The following HINT1 variants were observed in gnomAD, a reference collection of about 807,000 sequenced individuals.
HINT1 encodes adenosine 5'-monophosphoramidase HINT1.
HINT1 carries 12 observed loss-of-function variants against 11.2 expected under a neutral mutation model. That is an observed-to-expected ratio of 1.07 (90% CI 0.69 to 1.74). HINT1 has a LOEUF of 1.74. Ranked by LOEUF, HINT1 falls within the 40% of genes most tolerant of loss-of-function variation. HINT1 has a pLI of 0.00. For missense variants in HINT1, 150 were observed against 161.8 expected (o/e 0.93, Z 0.40); for synonymous variants, 42 against 52.6 (o/e 0.80, Z 0.87).
chr5:131,162,399 CA>C, intron 2 of HINT1, 172 bp downstream of exon 2: 2 of 1,344,042 alleles, frequency 1.5e-6, no homozygotes, highest in Non-Finnish European at 1.0e-6. Flanking sequence ...TGGTGGGATA[CA>C]AAATGATGCA....
intron 1 of HINT1, among the ~76,000 whole-genome samples, chr5:131,164,833 C>T (rs1755352501): frequency 1.3e-5 from 2 of 151,998 alleles, no homozygotes; most frequent in South Asian, 4.1e-4. Context: ...GCCCAGGCCC[C>T]GCGGTGCGGC....
intron 2 of HINT1, among the ~76,000 whole-genome samples, chr5:131,161,833 G>A (rs1401796736): frequency 6.6e-6 from 1 of 152,112 alleles, no homozygotes; most frequent in Non-Finnish European, 1.5e-5. Context: ...ACCCGTGCAG[G>A]TCTACTCATA....
intron 2 of HINT1, chr5:131,162,268 A>G (rs1755271199): frequency 1.6e-6 from 1 of 610,992 alleles, no homozygotes; most frequent in South Asian, 2.0e-5. Flanking sequence ...GCTTGCAGTG[A>G]GCCGAGTGCC....
chr5:131,160,940 T>C, intron 2 of HINT1: 2 of 406,012 alleles, frequency 4.9e-6, no homozygotes, highest in Non-Finnish European at 5.0e-6. Context: ...GGCTAGGCTA[T>C]AATGTTCAGT....
At position 131,159,377 on chromosome 5, in the gene HINT1, T is replaced by A. The variant is rs1755191472; in HGVS notation, c.*70A>T. On this transcript the variant is annotated 3_prime_UTR_variant, in exon 3 of 3. Transcript: ENST00000304043. Reference sequence around the variant, plus strand: ...CATACACAGGCAAAAATAAGTGTGTTACTTAACATACTGGAAATTGCCTAA... The same window carrying A: ...CATACACAGGCAAAAATAAGTGTGTAACTTAACATACTGGAAATTGCCTAA... The A allele has an allele frequency of 4.3e-6, 6 of 1,400,068 alleles. No individual in the cohort carries two copies. In the South Asian group the frequency reaches 7.4e-5, roughly 17 times the overall value. 86.7% of individuals were successfully genotyped at this position (1,400,068 alleles called of 1,614,324 possible).
At chr5:131,160,420 A>G (rs1755220713) in intron 2 of HINT1, among the ~76,000 whole-genome samples, 1 of 152,180 alleles carries the variant, frequency 6.6e-6, no homozygotes, top group African/African-American at 2.4e-5. Flanking sequence ...TTTCTTCCCT[A>G]ATAAAAGTTA....
chr5:131,162,380 A>G (rs1440903850), intron 2 of HINT1, 192 bp downstream of exon 2: 37 of 1,141,472 alleles, frequency 3.2e-5, no homozygotes, highest in Non-Finnish European at 4.5e-5. Context: ...TGGAACGCTC[A>G]TTCATTGCTG....
At chr5:131,162,740 T>A (rs1448503407) in intron 1 of HINT1, 64 bp from the exon 2 acceptor site, 4 of 1,078,422 alleles carry the variant, frequency 3.7e-6, no homozygotes, top group Non-Finnish European at 5.6e-6. Flanking sequence ...TAAAACTTAT[T>A]TCAACAAGTA....
chr5:131,165,049 A>C, intron 1 of HINT1, 46 bp downstream of exon 1: 1 of 1,611,692 alleles, frequency 6.2e-7, no homozygotes, highest in Non-Finnish European at 8.5e-7. Flanking sequence ...GGATCCGCGG[A>C]CGATACCCAC....
At chr5:131,161,004 G>A (rs1043602124) in intron 2 of HINT1, 3 of 316,606 alleles carry the variant, frequency 9.5e-6, no homozygotes, top group Non-Finnish European at 1.9e-5. Context: ...TTCAACTTAT[G>A]ATGGGTTTAT....
In HINT1 at chr5:131,162,671, A is replaced by G. The variant is rs78949626; in HGVS notation, c.117T>C (p.Leu39=). 2,386 of 1,597,166 alleles carry G rather than the reference A, an allele frequency of 1.5e-3. 11 individuals carry two copies. Among genetic ancestry groups the G allele is most frequent in the Middle Eastern group, 0.012 (68 of 5,492 alleles). The change falls in exon 2 of 3, where the codon CTT becomes CTC. Residue 39 remains leucine, a synonymous_variant. Coordinates refer to ENST00000304043, the MANE Select transcript of HINT1 (RefSeq NM_005340.7). ...AKIIFEDDRC[L]AFHDISPQAP... ...CTTGAGGGGAAATGTCATGGAAAGC[A>G]AGGCACTAGGGAAAAGAGAAATAAA...
chr5:131,163,560 AGAGTCC>A (rs996373030), intron 1 of HINT1, among the ~76,000 whole-genome samples: 10 of 151,840 alleles, frequency 6.6e-5, no homozygotes, highest in Non-Finnish European at 1.2e-4. Context: ...CTCCCAGGTC[AGAGTCC>A]TAGTTGTGCA....
chr5:131,161,802 C>A (rs956869709), intron 2 of HINT1, among the ~76,000 whole-genome samples: 2 of 152,098 alleles, frequency 1.3e-5, no homozygotes, highest in Non-Finnish European at 2.9e-5. Context: ...ATACAACTGA[C>A]CCTTGCACAA....
chr5:131,159,413 G>T lies in HINT1; in HGVS notation c.*34C>A. 1 of 1,597,604 alleles carries T rather than the reference G, an allele frequency of 6.3e-7. No individual in the cohort carries two copies. Among genetic ancestry groups the T allele is most frequent in the Non-Finnish European group, 8.5e-7 (1 of 1,169,818 alleles). On this transcript the variant is annotated 3_prime_UTR_variant, in exon 3 of 3. Coordinates refer to ENST00000304043, the MANE Select transcript of HINT1 (RefSeq NM_005340.7). Reference sequence around the variant, plus strand: ...CTGGAAATTGCCTAACTTAATCATTGCCTAAAGAAGAGAAAATTATCCCCA... The same window carrying T: ...CTGGAAATTGCCTAACTTAATCATTTCCTAAAGAAGAGAAAATTATCCCCA...
intron 2 of HINT1, among the ~76,000 whole-genome samples, chr5:131,161,681 C>G (rs1405383411): frequency 6.6e-6 from 1 of 151,942 alleles, no homozygotes; most frequent in African/African-American, 2.4e-5. Flanking sequence ...AGTACTCGCT[C>G]TAATCTTTGA....
At chr5:131,164,915 G>C (rs1171092774) in intron 1 of HINT1, 180 bp downstream of exon 1, 1 of 769,880 alleles carries the variant, frequency 1.3e-6, no homozygotes, top group Non-Finnish European at 1.9e-6. Context: ...GCACGCGCCG[G>C]CAGGCCGCCT....
chr5:131,163,788 A>G (rs1247273692), intron 1 of HINT1, among the ~76,000 whole-genome samples: 1 of 152,216 alleles, frequency 6.6e-6, no homozygotes. Context: ...TATGACATGA[A>G]TATTTTCGAA....
In HINT1 at chr5:131,159,324, G is replaced by C; in HGVS notation, c.*123C>G. On this transcript the variant is annotated 3_prime_UTR_variant, in exon 3 of 3. Transcript: ENST00000304043. The stretch of plus-strand genomic sequence containing the variant: ...CAACAATGTCTTTTATTATGTATGC[G>C]GTTTTAAAATTATTTCTTGAATCTC... The C allele has an allele frequency of 1.4e-6, 1 of 698,060 alleles. No homozygotes were observed. Among genetic ancestry groups the C allele is most frequent in the Admixed American group, 3.0e-5 (1 of 33,432 alleles). The allele number at this position is 698,060 out of a possible 1,614,324, so 43.2% of individuals were successfully genotyped here.
At chr5:131,160,111 C>T (rs1230407660) in intron 2 of HINT1, among the ~76,000 whole-genome samples, 1 of 152,082 alleles carries the variant, frequency 6.6e-6, no homozygotes, top group Non-Finnish European at 1.5e-5. Flanking sequence ...ACCTTAACTT[C>T]CAAAGTGCTG....
Sources: allele counts gnomAD v4.1 joint callset (sites outside exome capture counted in the v4.1 genomes callset), GRCh38; gene constraint gnomAD v4.1.1; transcripts MANE v1.5; gene names NCBI Gene and HGNC (gene_info 2026-07-23, HGNC 2026-07-21).